The following RBFOX1 variants were observed in gnomAD, a reference collection of about 807,000 sequenced individuals.
The protein encoded by RBFOX1 is RNA binding protein fox-1 homolog 1.
Under a neutral mutation model 57.7 loss-of-function variants are expected in RBFOX1, and 8 were observed. The ratio of observed to expected loss-of-function variants is 0.14; its 90% CI spans 0.08 to 0.25. The LOEUF (loss-of-function observed/expected upper bound fraction) is 0.25. Among genes scored for constraint, RBFOX1 ranks in the 10% least tolerant of loss-of-function variants. RBFOX1 has a pLI of 1.00. For missense variants in RBFOX1, 611 were observed against 548.5 expected, an observed-to-expected ratio of 1.11 and a Z score of -1.14; for synonymous variants, 326 against 222.4, an observed-to-expected ratio of 1.47 and a Z score of -4.15.
At chr16:5,586,071 A>C (rs1268544434) in intron 2 of RBFOX1, among the ~76,000 whole-genome samples, 1 of 152,208 alleles carries the variant, frequency 6.6e-6, no homozygotes, top group African/African-American at 2.4e-5. Flanking sequence ...CGTGCAGAGA[A>C]GAAGGCCATG....
intron 2 of RBFOX1, among the ~76,000 whole-genome samples, chr16:6,588,600 C>T (rs1184909827): frequency 2.0e-5 from 3 of 151,912 alleles, no homozygotes; most frequent in African/African-American, 7.2e-5. Flanking sequence ...TGCAGTGAGC[C>T]GAGATCATGC....
At chr16:7,395,813 G>A (rs1210084728) in intron 4 of RBFOX1, among the ~76,000 whole-genome samples, 1 of 152,106 alleles carries the variant, frequency 6.6e-6, no homozygotes, top group Admixed American at 6.5e-5. Flanking sequence ...CTAGATTTTT[G>A]TTTCCTGCGG....
At chr16:6,209,433 C>T (rs1031345178) in intron 1 of RBFOX1, among the ~76,000 whole-genome samples, 12 of 152,160 alleles carry the variant, frequency 7.9e-5, no homozygotes, top group East Asian at 1.9e-4. Context: ...CTTGTTAATC[C>T]GTCTATTTCC....
At chr16:6,689,360 A>G (rs745936075) in intron 3 of RBFOX1, among the ~76,000 whole-genome samples, 21 of 152,196 alleles carry the variant, frequency 1.4e-4, no homozygotes, top group Admixed American at 6.5e-4. Context: ...TCACCTCCAC[A>G]TATATTATAT....
chr16:5,419,002 G>A (rs2067238510), intron 1 of RBFOX1, among the ~76,000 whole-genome samples: 2 of 152,184 alleles, frequency 1.3e-5, no homozygotes, highest in Non-Finnish European at 2.9e-5. Flanking sequence ...GGGCCAGGTA[G>A]GCCAGAGAGA....
At chr16:5,394,949 C>G (rs942114952) in intron 1 of RBFOX1, among the ~76,000 whole-genome samples, 6 of 152,122 alleles carry the variant, frequency 3.9e-5, no homozygotes, top group Admixed American at 3.3e-4. Context: ...CGGCATGATT[C>G]TCCTGAAGCT....
At chr16:5,329,677 C>T (rs946926739) in intron 1 of RBFOX1, among the ~76,000 whole-genome samples, 1 of 152,194 alleles carries the variant, frequency 6.6e-6, no homozygotes, top group African/African-American at 2.4e-5. Flanking sequence ...ATTCATTTCT[C>T]AGTTCTGGCA....
intron 2 of RBFOX1, among the ~76,000 whole-genome samples, chr16:6,533,905 A>G (rs2096698106): frequency 6.6e-6 from 1 of 152,322 alleles, no homozygotes; most frequent in African/African-American, 2.4e-5. Flanking sequence ...ACTTTGTCCC[A>G]TAAAAAGACA....
At chr16:5,455,826 G>C (rs1355588420) in intron 1 of RBFOX1, among the ~76,000 whole-genome samples, 1 of 152,108 alleles carries the variant, frequency 6.6e-6, no homozygotes, top group African/African-American at 2.4e-5. Flanking sequence ...CTGGTTTCGA[G>C]AAATAAATTC....
chr16:5,504,886 C>T (rs936732789), intron 2 of RBFOX1, among the ~76,000 whole-genome samples: 1 of 152,176 alleles, frequency 6.6e-6, no homozygotes, highest in African/African-American at 2.4e-5. Context: ...AGGAAACTTT[C>T]AGACTAGGCA....
intron 3 of RBFOX1, among the ~76,000 whole-genome samples, chr16:6,771,111 A>T (rs1450077959): frequency 6.6e-6 from 1 of 152,134 alleles, no homozygotes; most frequent in African/African-American, 2.4e-5. Context: ...AAAAAATCAG[A>T]ACCCAGACAC....
rs117391458 is a variant in RBFOX1 at position 6,044,040 on chromosome 16, G to A, written c.-127+24048G>A. On this transcript the variant is annotated intron_variant, in intron 1 of 15. Coordinates refer to ENST00000550418, the MANE Select transcript of RBFOX1 (RefSeq NM_018723.4). ...TTCCCGGTGCTCTGCCTACACCTTT[G>A]AAAACAGTATTCTGTAAGTAAGATC... Among the ~76,000 whole-genome samples the A allele has an allele frequency of 2.0e-3, 312 of 152,200 alleles. 6 individuals carry two copies. In the East Asian group the frequency reaches 0.056, roughly 27 times the overall value.
At chr16:6,890,755 C>G (rs950677607) in intron 3 of RBFOX1, among the ~76,000 whole-genome samples, 1 of 152,162 alleles carries the variant, frequency 6.6e-6, no homozygotes, top group East Asian at 1.9e-4. Flanking sequence ...TTCACTGTCA[C>G]CTTCTGATTT....
chr16:6,179,615 C>T (rs1257128120), intron 1 of RBFOX1, among the ~76,000 whole-genome samples: 1 of 152,170 alleles, frequency 6.6e-6, no homozygotes, highest in Non-Finnish European at 1.5e-5. Flanking sequence ...TGGATGCCTA[C>T]AGCAACAAGA....
At chr16:6,660,184 A>G (rs1036931502) in intron 3 of RBFOX1, among the ~76,000 whole-genome samples, 3 of 151,102 alleles carry the variant, frequency 2.0e-5, no homozygotes, top group Non-Finnish European at 2.9e-5. Flanking sequence ...AGATCTCGCC[A>G]TTGCCCTTCA....
rs556797302 is a variant in RBFOX1 at position 6,040,264 on chromosome 16, C to T, written c.-127+20272C>T. ...GTGTATGGTTCAGTAACATTGAATACATTCATATTGTTGCGCAAGCAACAC... is the reference window on the plus strand; with the variant it reads ...GTGTATGGTTCAGTAACATTGAATATATTCATATTGTTGCGCAAGCAACAC... On this transcript the variant is annotated intron_variant, in intron 1 of 15. Transcript: ENST00000550418. 3.9e-5 allele frequency among the ~76,000 whole-genome samples: 6 copies of T among 152,298 alleles called. No individual in the cohort carries two copies. In the East Asian group the frequency reaches 9.6e-4, roughly 24 times the overall value.
intron 2 of RBFOX1, among the ~76,000 whole-genome samples, chr16:6,348,198 A>C (rs2085692037): frequency 6.6e-6 from 1 of 152,172 alleles, no homozygotes; most frequent in South Asian, 2.1e-4. Context: ...AATGTGGGGC[A>C]CATGTGGGGT....
intron 1 of RBFOX1, among the ~76,000 whole-genome samples, chr16:6,048,069 C>T (rs567192954): frequency 3.3e-5 from 5 of 152,168 alleles, no homozygotes; most frequent in African/African-American, 1.2e-4. Flanking sequence ...AAAATAAATA[C>T]AGCCATTTGT....
intron 3 of RBFOX1, among the ~76,000 whole-genome samples, chr16:6,760,049 A>T (rs554550576): frequency 2.0e-5 from 3 of 152,314 alleles, no homozygotes; most frequent in African/African-American, 7.2e-5. Flanking sequence ...GCACAGCAAA[A>T]GGTGAGCATA....
Sources: gnomAD v4.1 joint callset for allele counts (sites outside exome capture counted in the v4.1 genomes callset) on GRCh38, gnomAD v4.1.1 for gene constraint, MANE v1.5 for transcripts, NCBI Gene and HGNC (gene_info 2026-07-23, HGNC 2026-07-21) for gene names.